COG6: variants seen among roughly 807,000 people sequenced by gnomAD.
COG6 encodes the protein component of oligomeric golgi complex 6.
COG6 carries 74 observed loss-of-function variants against 88.8 expected under a neutral mutation model. The observed-to-expected ratio is 0.83, with a 90% CI of 0.69 to 1.01. The LOEUF is 1.01. Ranked by LOEUF, COG6 falls within the 50% of genes least tolerant of loss-of-function variation. COG6 has a pLI of 0.00. For missense variants in COG6, 800 were observed against 797.9 expected, an observed-to-expected ratio of 1.00 and a Z score of -0.03; for synonymous variants, 286 against 278.7, an observed-to-expected ratio of 1.03 and a Z score of -0.26.
chr13:39,682,371 A>G (rs1214319141), intron 8 of COG6, 107 bp downstream of exon 8: 1 of 699,750 alleles, frequency 1.4e-6, no homozygotes, highest in Non-Finnish European at 2.5e-6. Flanking sequence ...AGTAATATTT[A>G]TAATAATTTA....
chr13:39,681,179 G>GT (rs1263251570), intron 7 of COG6, among the ~76,000 whole-genome samples: 2 of 152,326 alleles, frequency 1.3e-5, no homozygotes, highest in East Asian at 3.9e-4. Flanking sequence ...GTTGGAAGGG[G>GT]TTGGAATTAA....
intron 4 of COG6, among the ~76,000 whole-genome samples, chr13:39,666,389 A>C (rs908660714): frequency 6.6e-6 from 1 of 152,134 alleles, no homozygotes; most frequent in Non-Finnish European, 1.5e-5. Flanking sequence ...TGACAGAAGG[A>C]GATCCTGTCT....
chr13:39,734,430 T>C (rs1879625146), intron 18 of COG6, among the ~76,000 whole-genome samples: 1 of 152,154 alleles, frequency 6.6e-6, no homozygotes, highest in African/African-American at 2.4e-5. Flanking sequence ...TTGTTATTGA[T>C]TTTTAGTTTT....
intron 11 of COG6, among the ~76,000 whole-genome samples, chr13:39,693,512 A>G (rs1019650792): frequency 2.0e-5 from 3 of 151,980 alleles, no homozygotes; most frequent in African/African-American, 7.2e-5. Context: ...TATCACTTTT[A>G]TTGATGTAAT....
intron 8 of COG6, among the ~76,000 whole-genome samples, chr13:39,685,294 C>A (rs943591944): frequency 6.6e-6 from 1 of 152,112 alleles, no homozygotes; most frequent in African/African-American, 2.4e-5. Context: ...TGATTTTGGT[C>A]AAAGACTTTT....
chr13:39,678,078 T>G, intron 5 of COG6: 1 of 450,064 alleles, frequency 2.2e-6, no homozygotes, highest in Middle Eastern at 7.0e-4. Flanking sequence ...TCTTTTCCTT[T>G]TTTTTTGAGA....
At chr13:39,655,903 A>G in intron 1 of COG6, 24 bp downstream of exon 1, 1 of 1,598,272 alleles carries the variant, frequency 6.3e-7, no homozygotes, top group South Asian at 1.1e-5. Flanking sequence ...GCGGGGCCGG[A>G]GTCACAGGTT....
At chr13:39,699,190 C>G (rs943495391) in intron 12 of COG6, among the ~76,000 whole-genome samples, 10 of 151,306 alleles carry the variant, frequency 6.6e-5, no homozygotes, top group Non-Finnish European at 1.3e-4. Context: ...TATATATTTA[C>G]TCTAATAGAG....
At chr13:39,715,506 A>T (rs1225596200) in intron 13 of COG6, among the ~76,000 whole-genome samples, 1 of 151,894 alleles carries the variant, frequency 6.6e-6, no homozygotes, top group African/African-American at 2.4e-5. Flanking sequence ...ATAGCTGTCT[A>T]TTTCTATATT....
chr13:39,758,268 G>C (rs1229393703), intron 18 of COG6, among the ~76,000 whole-genome samples: 1 of 150,308 alleles, frequency 6.7e-6, no homozygotes, highest in East Asian at 2.0e-4. Context: ...GGTGGCTCAT[G>C]CCTGTGATCC....
At chr13:39,684,432 A>C (rs1000333594) in intron 8 of COG6, among the ~76,000 whole-genome samples, 1 of 150,840 alleles carries the variant, frequency 6.6e-6, no homozygotes, top group African/African-American at 2.4e-5. Flanking sequence ...TGTATTTTTT[A>C]GTAGAGACGG....
intron 4 of COG6, among the ~76,000 whole-genome samples, chr13:39,670,685 T>A (rs902605440): frequency 2.0e-5 from 3 of 152,028 alleles, no homozygotes; most frequent in African/African-American, 4.8e-5. Context: ...GACAAAGAAA[T>A]CTATGTCACT....
chr13:39,712,336 A>G (rs1405161562), intron 13 of COG6, among the ~76,000 whole-genome samples: 1 of 152,172 alleles, frequency 6.6e-6, no homozygotes, highest in Non-Finnish European at 1.5e-5. Flanking sequence ...TATAATGCCA[A>G]AATATTCCCT....
At chr13:39,773,064 G>A (rs927562676) in intron 18 of COG6, among the ~76,000 whole-genome samples, 3 of 152,208 alleles carry the variant, frequency 2.0e-5, no homozygotes, top group Admixed American at 6.5e-5. Context: ...TAGAGATGGA[G>A]GGACTTGCCC....
intron 16 of COG6, 47 bp from the exon 17 acceptor site, chr13:39,724,461 C>T (rs2138086028): frequency 7.2e-7 from 1 of 1,393,050 alleles, no homozygotes; most frequent in Non-Finnish European, 1.0e-6. Context: ...ATGTATATCT[C>T]CTTTTTTACA....
At chr13:39,738,328 T>G (rs1322398634) in intron 18 of COG6, among the ~76,000 whole-genome samples, 1 of 152,194 alleles carries the variant, frequency 6.6e-6, no homozygotes, top group Non-Finnish European at 1.5e-5. Context: ...TTTAATATTG[T>G]AAGGATATTA....
chr13:39,703,399 A>G (rs1877694518), intron 13 of COG6, among the ~76,000 whole-genome samples: 1 of 152,100 alleles, frequency 6.6e-6, no homozygotes, highest in Non-Finnish European at 1.5e-5. Flanking sequence ...TTGCTTGTTC[A>G]AGTCCTTTGC....
chr13:39,659,781 C>T (rs935101312), intron 2 of COG6, among the ~76,000 whole-genome samples: 4 of 152,126 alleles, frequency 2.6e-5, no homozygotes, highest in Non-Finnish European at 5.9e-5. Context: ...AAAAAATTAA[C>T]ATTTCCCTGA....
At chr13:39,716,212 A>G (rs989414557) in intron 13 of COG6, among the ~76,000 whole-genome samples, 1 of 151,778 alleles carries the variant, frequency 6.6e-6, no homozygotes, top group Non-Finnish European at 1.5e-5. Flanking sequence ...TATTTTCTTG[A>G]TGGATTGACC....
Sources: allele counts gnomAD v4.1 joint callset (sites outside exome capture counted in the v4.1 genomes callset), GRCh38; gene constraint gnomAD v4.1.1; transcripts MANE v1.5; gene names NCBI Gene and HGNC (gene_info 2026-07-23, HGNC 2026-07-21).